The following THSD4 variants were observed in gnomAD, a reference collection of about 807,000 sequenced individuals.
THSD4 encodes the protein thrombospondin type 1 domain containing 4, also known as thrombospondin type-1 domain-containing protein 4.
A neutral mutation model predicts 119.0 loss-of-function variants in THSD4; 69 were observed. That is an observed-to-expected ratio of 0.58 (90% CI 0.48 to 0.71). The LOEUF (loss-of-function observed/expected upper bound fraction) is 0.71, where lower values mean the gene tolerates loss of function less well. Among genes scored for constraint, THSD4 ranks in the 30% least tolerant of loss-of-function variants. The pLI is 0.00. For missense variants in THSD4, 1,393 were observed against 1,391.1 expected, an observed-to-expected ratio of 1.00 and a Z score of -0.02; for synonymous variants, 524 against 540.4, an observed-to-expected ratio of 0.97 and a Z score of 0.42.
chr15:71,618,976 T>A (rs1406169065), intron 7 of THSD4, among the ~76,000 whole-genome samples: 2 of 151,278 alleles, frequency 1.3e-5, no homozygotes, highest in African/African-American at 4.9e-5. Flanking sequence ...AATATTCTTT[T>A]TTTTTTCTTT....
chr15:71,345,291 T>C (rs921429561), intron 6 of THSD4, among the ~76,000 whole-genome samples: 2 of 152,004 alleles, frequency 1.3e-5, no homozygotes, highest in Non-Finnish European at 2.9e-5. Context: ...AAAGGGCTTT[T>C]CAAGTGCCAG....
intron 7 of THSD4, among the ~76,000 whole-genome samples, chr15:71,585,780 T>G (rs552566245): frequency 1.3e-5 from 2 of 152,052 alleles, no homozygotes; most frequent in South Asian, 2.1e-4. Context: ...TTTATTCTTT[T>G]TGTGTGTGTG....
chr15:71,720,790 A>C (rs2052707322), intron 8 of THSD4, among the ~76,000 whole-genome samples: 1 of 152,246 alleles, frequency 6.6e-6, no homozygotes, highest in African/African-American at 2.4e-5. Flanking sequence ...CTGGTGGCCA[A>C]TGATGTCTGA....
intron 4 of THSD4, among the ~76,000 whole-genome samples, chr15:71,216,100 C>A (rs2043930382): frequency 6.6e-6 from 1 of 152,242 alleles, no homozygotes; most frequent in African/African-American, 2.4e-5. Flanking sequence ...GCAATAGATA[C>A]TAACAGATCA....
Position 71,225,533 on chromosome 15 carries a change from CTTTTTCTTTTTT to C in THSD4, c.464+10152_464+10163del, listed in dbSNP as rs369904765. On this transcript the variant is annotated intron_variant, in intron 4 of 17. Coordinates refer to ENST00000261862, the MANE Select transcript of THSD4 (RefSeq NM_024817.3). ...GAAGCACAGCTCTCAAACACATTTT[CTTTTTCTTTTTT>C]TTTTTCTTTTTTTTTTTTTTGAGAC... 4.7e-3 allele frequency among the ~76,000 whole-genome samples: 605 copies of C among 128,852 alleles called. 8 individuals carry two copies. In the South Asian group the frequency reaches 0.049, roughly 10 times the overall value. 84.5% of individuals were successfully genotyped at this position (128,852 alleles called of 152,430 possible). A position where few individuals can be genotyped will look rare whatever the true frequency, so the allele number is the denominator to read the frequency against.
intron 6 of THSD4, among the ~76,000 whole-genome samples, chr15:71,263,508 C>A (rs1837987): frequency 0.78 from 119,076 of 151,856 alleles, 46,990 homozygotes; most frequent in East Asian, 1. Context: ...GGTATGTACC[C>A]AGAAATGGGA....
chr15:71,660,915 TA>T (rs34436025), intron 8 of THSD4, among the ~76,000 whole-genome samples, 181 bp downstream of exon 8: 2 of 151,082 alleles, frequency 1.3e-5, no homozygotes, highest in African/African-American at 4.9e-5. Flanking sequence ...TGGAGAACGT[TA>T]AAAAAAAAGT....
intron 7 of THSD4, among the ~76,000 whole-genome samples, chr15:71,437,665 A>C (rs1384087559): frequency 6.6e-6 from 1 of 152,202 alleles, no homozygotes; most frequent in African/African-American, 2.4e-5. Context: ...GAGCCCCAGC[A>C]CTGCAGTTAA....
intron 7 of THSD4, among the ~76,000 whole-genome samples, chr15:71,619,828 C>T (rs1474231193): frequency 1.3e-5 from 2 of 152,162 alleles, no homozygotes; most frequent in African/African-American, 4.8e-5. Context: ...TTCATTTTTC[C>T]AACTAATTCA....
intron 7 of THSD4, among the ~76,000 whole-genome samples, chr15:71,527,420 A>C (rs1457055088): frequency 6.6e-6 from 1 of 152,192 alleles, no homozygotes; most frequent in African/African-American, 2.4e-5. Context: ...AAAAGTGAAA[A>C]ATGTGACAAC....
At chr15:71,216,416 C>T (rs1306353278) in intron 4 of THSD4, among the ~76,000 whole-genome samples, 1 of 152,176 alleles carries the variant, frequency 6.6e-6, no homozygotes, top group Non-Finnish European at 1.5e-5. Flanking sequence ...TGTCTTAGCT[C>T]AGTGATGGAA....
rs76917273 is a variant in THSD4 at position 71,280,615 on chromosome 15, T to C, written c.1015+23900T>C. 6.6e-5 allele frequency among the ~76,000 whole-genome samples: 9 copies of C among 136,564 alleles called. No individual in the cohort carries two copies. The East Asian group carries it at 9.8e-4, about 15-fold the overall frequency. The allele number at this position is 136,564 out of a possible 152,430, so 89.6% of individuals were successfully genotyped here. The stretch of plus-strand genomic sequence containing the variant: ...TCCTCATTCCCTCCCTCCCTCCCTC[T>C]CTCTCTCATTTTTCCTGTGTTTCTG... On this transcript the variant is annotated intron_variant, in intron 6 of 17. Transcript: ENST00000261862.
At chr15:71,678,847 A>C (rs1171146296) in intron 8 of THSD4, among the ~76,000 whole-genome samples, 1 of 152,158 alleles carries the variant, frequency 6.6e-6, no homozygotes, top group Non-Finnish European at 1.5e-5. Flanking sequence ...TCCTTGGAAA[A>C]TGTACTTTCA....
At chr15:71,166,140 G>A (rs934003654) in intron 3 of THSD4, among the ~76,000 whole-genome samples, 1 of 152,146 alleles carries the variant, frequency 6.6e-6, no homozygotes, top group Non-Finnish European at 1.5e-5. Context: ...CCACTGTGAA[G>A]TTTGCTTATT....
At chr15:71,268,546 G>A (rs8027557) in intron 6 of THSD4, among the ~76,000 whole-genome samples, 150,025 of 152,260 alleles carry the variant, frequency 0.99, 73,953 homozygotes, top group Middle Eastern at 1. Flanking sequence ...AATTAAAAGA[G>A]CTAGAGAAGC....
At chr15:71,597,755 C>T (rs2049931998) in intron 7 of THSD4, among the ~76,000 whole-genome samples, 1 of 152,122 alleles carries the variant, frequency 6.6e-6, no homozygotes, top group Non-Finnish European at 1.5e-5. Flanking sequence ...GTGTCTCTTC[C>T]CTCTTTGGCC....
chr15:71,362,476 T>C (rs1003846694), intron 6 of THSD4, among the ~76,000 whole-genome samples: 4 of 152,176 alleles, frequency 2.6e-5, no homozygotes, highest in African/African-American at 9.7e-5. Flanking sequence ...AAATATTCCA[T>C]GGATTGCCTT....
intron 7 of THSD4, among the ~76,000 whole-genome samples, chr15:71,452,358 C>T (rs945344440): frequency 6.6e-6 from 1 of 151,944 alleles, no homozygotes; most frequent in Non-Finnish European, 1.5e-5. Context: ...TATTCCCACC[C>T]CCAGGTGTTT....
At chr15:71,315,815 G>A (rs531106447) in intron 6 of THSD4, among the ~76,000 whole-genome samples, 72 of 152,234 alleles carry the variant, frequency 4.7e-4, no homozygotes, top group African/African-American at 1.7e-3. Flanking sequence ...GGAGAGATTT[G>A]GGGAAATAGG....
Sources: gnomAD v4.1 joint callset for allele counts (sites outside exome capture counted in the v4.1 genomes callset) on GRCh38, gnomAD v4.1.1 for gene constraint, MANE v1.5 for transcripts, NCBI Gene and HGNC (gene_info 2026-07-23, HGNC 2026-07-21) for gene names.